Variants in PRKCA observed in about 807,000 individuals in gnomAD.
PRKCA encodes protein kinase C alpha type.
In PRKCA, 27 loss-of-function variants were observed where a neutral mutation model predicts 87.0. The ratio of observed to expected loss-of-function variants is 0.31; its 90% CI spans 0.23 to 0.43. The LOEUF is 0.43. PRKCA is among the 20% of genes least tolerant of loss of function. The pLI is 1.00. For synonymous variants in PRKCA, 329 were observed against 311.1 expected (o/e 1.06, Z -0.61); for missense variants, 518 against 852.3 (o/e 0.61, Z 4.88).
At chr17:66,536,932 C>G (rs1967810829) in intron 3 of PRKCA, among the ~76,000 whole-genome samples, 1 of 152,178 alleles carries the variant, frequency 6.6e-6, no homozygotes, top group Non-Finnish European at 1.5e-5. Context: ...TCTTACAGAG[C>G]TGACCTGTAA....
chr17:66,594,263 C>T (rs1385661480), intron 3 of PRKCA, among the ~76,000 whole-genome samples: 2 of 152,140 alleles, frequency 1.3e-5, no homozygotes, highest in Non-Finnish European at 2.9e-5. Flanking sequence ...AATCTGATCG[C>T]GTTGCCCAGT....
intron 14 of PRKCA, chr17:66,775,341 A>G (rs1975023637): frequency 2.0e-6 from 2 of 985,158 alleles, no homozygotes; most frequent in African/African-American, 1.7e-5. Context: ...AGCACAGATC[A>G]GTTACATAGG....
chr17:66,365,214 A>G (rs998911579), intron 2 of PRKCA, among the ~76,000 whole-genome samples: 3 of 152,220 alleles, frequency 2.0e-5, no homozygotes, highest in African/African-American at 7.2e-5. Flanking sequence ...TTTTCTGGAA[A>G]GTCCCGAAAT....
chr17:66,350,457 ATC>A (rs1907673506), intron 2 of PRKCA, among the ~76,000 whole-genome samples: 1 of 152,146 alleles, frequency 6.6e-6, no homozygotes, highest in Admixed American at 6.5e-5. Flanking sequence ...GGAAATAAAA[ATC>A]TAAAATTATG....
At chr17:66,576,693 G>A (rs1969245880) in intron 3 of PRKCA, among the ~76,000 whole-genome samples, 1 of 152,098 alleles carries the variant, frequency 6.6e-6, no homozygotes, top group Non-Finnish European at 1.5e-5. Flanking sequence ...AAATTAGTGG[G>A]TTCAGGCTTC....
chr17:66,516,129 T>A (rs1403942897), intron 3 of PRKCA, among the ~76,000 whole-genome samples: 1 of 152,222 alleles, frequency 6.6e-6, no homozygotes, highest in African/African-American at 2.4e-5. Context: ...TTGGGTTGCC[T>A]GTAGAAACGG....
chr17:66,380,289 C>A (rs1397351040), intron 2 of PRKCA, among the ~76,000 whole-genome samples: 2 of 151,638 alleles, frequency 1.3e-5, no homozygotes, highest in Non-Finnish European at 2.9e-5. Flanking sequence ...CCCATACATA[C>A]ATATGTTCGG....
chr17:66,619,789 G>A (rs1159693421), intron 3 of PRKCA, among the ~76,000 whole-genome samples: 1 of 152,132 alleles, frequency 6.6e-6, no homozygotes, highest in African/African-American at 2.4e-5. Context: ...CCTCCAAAAG[G>A]GAGGGAAGAA....
chr17:66,754,702 C>G (rs1346675126), intron 13 of PRKCA, among the ~76,000 whole-genome samples: 2 of 151,988 alleles, frequency 1.3e-5, no homozygotes, highest in African/African-American at 4.8e-5. Context: ...CTGGGCATGG[C>G]GCTGGAGAGG....
chr17:66,715,433 C>T (rs527288211), intron 8 of PRKCA, among the ~76,000 whole-genome samples: 16 of 152,270 alleles, frequency 1.1e-4, no homozygotes, highest in African/African-American at 3.9e-4. Flanking sequence ...AGATAAACAC[C>T]GTGGCTCCCT....
At chr17:66,462,722 C>A (rs573513667) in intron 2 of PRKCA, among the ~76,000 whole-genome samples, 2 of 152,180 alleles carry the variant, frequency 1.3e-5, no homozygotes, top group African/African-American at 4.8e-5. Context: ...ACACGAACAC[C>A]CCTACCTCCC....
chr17:66,732,630 T>A, intron 8 of PRKCA, 58 bp from the exon 9 acceptor site: 1 of 1,608,132 alleles, frequency 6.2e-7, no homozygotes. Flanking sequence ...CGGTGGTTTC[T>A]GTCACTCTTT....
chr17:66,333,600 TC>T (rs1906482249), intron 2 of PRKCA, among the ~76,000 whole-genome samples: 1 of 152,132 alleles, frequency 6.6e-6, no homozygotes, highest in Non-Finnish European at 1.5e-5. Flanking sequence ...AACCTCTTAT[TC>T]CCCATGCCCT....
intron 2 of PRKCA, among the ~76,000 whole-genome samples, chr17:66,432,770 T>G (rs926085849): frequency 6.6e-6 from 1 of 152,092 alleles, no homozygotes; most frequent in Non-Finnish European, 1.5e-5. Flanking sequence ...ACTGAGCAGG[T>G]CAGATTTTGT....
chr17:66,447,389 C>G (rs1172804632), intron 2 of PRKCA, among the ~76,000 whole-genome samples: 1 of 152,142 alleles, frequency 6.6e-6, no homozygotes, highest in Non-Finnish European at 1.5e-5. Context: ...GGGGAGTCCT[C>G]TTGTGCAGCT....
chr17:66,378,238 G>A (rs1034844067), intron 2 of PRKCA, among the ~76,000 whole-genome samples: 3 of 152,226 alleles, frequency 2.0e-5, no homozygotes. Flanking sequence ...CAGGAGAATC[G>A]CTTGAACCTG....
At chr17:66,697,920 A>G (rs910681958) in intron 8 of PRKCA, among the ~76,000 whole-genome samples, 4 of 152,284 alleles carry the variant, frequency 2.6e-5, no homozygotes, top group African/African-American at 9.6e-5. Context: ...TCAGGACACC[A>G]TCCTAGGGAA....
At chr17:66,408,966 C>T (rs561500737) in intron 2 of PRKCA, among the ~76,000 whole-genome samples, 3 of 135,428 alleles carry the variant, frequency 2.2e-5, no homozygotes, top group East Asian at 2.3e-4. Context: ...GCAGGAGAAT[C>T]GCTTGAACCC....
At chr17:66,713,178 A>G (rs1009301360) in intron 8 of PRKCA, among the ~76,000 whole-genome samples, 3 of 150,356 alleles carry the variant, frequency 2.0e-5, no homozygotes, top group Non-Finnish European at 4.4e-5. Context: ...CAGTCTACCG[A>G]GTAGCTGGGA....
Sources: allele counts gnomAD v4.1 joint callset (sites outside exome capture counted in the v4.1 genomes callset), GRCh38; gene constraint gnomAD v4.1.1; transcripts MANE v1.5; gene names NCBI Gene and HGNC (gene_info 2026-07-23, HGNC 2026-07-21).